The following COL17A1 variants were observed in gnomAD, a reference collection of about 807,000 sequenced individuals.
The protein encoded by COL17A1 is collagen type XVII alpha 1 chain.
Under a neutral mutation model 218.4 loss-of-function variants are expected in COL17A1, and 181 were observed. The observed-to-expected ratio is 0.83, with a 90% CI of 0.73 to 0.94. The LOEUF (loss-of-function observed/expected upper bound fraction) is 0.94, where lower values mean the gene tolerates loss of function less well. Among genes scored for constraint, COL17A1 ranks in the 40% least tolerant of loss-of-function variants. The pLI is 0.00. For synonymous variants in COL17A1, 721 were observed against 731.0 expected (o/e 0.99, Z 0.22); for missense variants, 1,924 against 1,945.9 (o/e 0.99, Z 0.21).
chr10:104,036,409 G>A (rs1385227447), intron 48 of COL17A1, 83 bp downstream of exon 48: 2 of 1,579,356 alleles, frequency 1.3e-6, no homozygotes, highest in African/African-American at 1.3e-5. Flanking sequence ...GGTCAGTGGG[G>A]CAATCACAGG....
At chr10:104,044,752 G>A (rs1189123140) in intron 33 of COL17A1, among the ~76,000 whole-genome samples, 1 of 151,992 alleles carries the variant, frequency 6.6e-6, no homozygotes, top group Admixed American at 6.5e-5. Flanking sequence ...ACTCCCCCTT[G>A]GACTGGAAGT....
Position 104,055,827 on chromosome 10 carries a change from G to A in COL17A1, c.1642C>T (p.Leu548Phe). 6.2e-7 allele frequency: 1 copy of A among 1,614,178 alleles called. No homozygotes were observed. The highest frequency in any genetic ancestry group is 8.5e-7 in the Non-Finnish European group (1 of 1,180,038). The change falls in exon 18 of 56, where the codon CTC (leucine) becomes TTC (phenylalanine). Residue 548 changes from leucine to phenylalanine, a missense_variant. Transcript: ENST00000648076. ...AGCTTCTTCCTCACGAACATCCAGA[G>A]CTCCTCCTGGCTGTCACTGTGCAGC... ...IGLHSDSQEE[L>F]WMFVRKKLMM...
intron 28 of COL17A1, among the ~76,000 whole-genome samples, chr10:104,049,728 A>G (rs1007348091): frequency 3.3e-5 from 5 of 152,320 alleles, no homozygotes; most frequent in South Asian, 2.1e-4. Context: ...ATCACTGTCA[A>G]TTTCCTTTAT....
chr10:104,055,410 A>G lies in COL17A1; in HGVS notation c.1688-9T>C, dbSNP rs929513626. 1.2e-6 allele frequency: 2 copies of G among 1,613,296 alleles called. No individual in the cohort carries two copies. Among genetic ancestry groups the G allele is most frequent in the South Asian group, 1.1e-5 (1 of 91,048 alleles). The stretch of plus-strand genomic sequence containing the variant: ...GCTTCCTCGGAGATTTCCTGCAAGA[A>G]AAAGCAAATCCTGAGTCAGCTTCAC... On this transcript the variant is annotated splice_polypyrimidine_tract_variant and intron_variant, in intron 18 of 55. Coordinates refer to ENST00000648076, the MANE Select transcript of COL17A1 (RefSeq NM_000494.4).
chr10:104,037,658 G>C lies in COL17A1; in HGVS notation c.3186C>G (p.Ser1062Arg). 6.2e-7 allele frequency: 1 copy of C among 1,614,226 alleles called. No homozygotes were observed. Among genetic ancestry groups the C allele is most frequent in the Admixed American group, 1.7e-5 (1 of 60,030 alleles). Residue 1062 changes from serine (S) to arginine (R), a missense_variant, in exon 46 of 56, where the codon AGC (serine) becomes AGG (arginine). Coordinates refer to ENST00000648076, the MANE Select transcript of COL17A1 (RefSeq NM_000494.4). ...TACTCCGTAAGTAGCTCACAACGTG[G>C]CTTGCCAGCTCTGAGTAGTCGAAAG... ...GETFDYSELA[S>R]HVVSYLRTSG...
intron 46 of COL17A1, 87 bp from the exon 47 acceptor site, chr10:104,037,200 C>G: frequency 7.9e-7 from 1 of 1,262,314 alleles, no homozygotes; most frequent in South Asian, 1.3e-5. Context: ...GCCCGGTCAC[C>G]GAGCTGTTTG....
In COL17A1 at chr10:104,031,971, C is replaced by CTAGA. The variant is rs1844689874; in HGVS notation, c.*260_*263dup. ...AGTAAAGAAGCCAAGGAGTTCAGATCTAGATAGCAGAGAAGTAAGTCTCAT... is the reference window on the plus strand; with the variant it reads ...AGTAAAGAAGCCAAGGAGTTCAGATCTAGATAGATAGCAGAGAAGTAAGTCTCAT... On this transcript the variant is annotated 3_prime_UTR_variant, in exon 56 of 56. Transcript: ENST00000648076. 2 of 562,150 alleles carry CTAGA rather than the reference C, an allele frequency of 3.6e-6. No homozygotes were observed. The highest frequency in any genetic ancestry group is 6.1e-5 in the Admixed American group (2 of 32,778). 34.8% of individuals were successfully genotyped at this position (562,150 alleles called of 1,614,324 possible).
At chr10:104,054,234 ATGTC>A in intron 20 of COL17A1, 116 bp from the exon 21 acceptor site, 1 of 966,638 alleles carries the variant, frequency 1.0e-6, no homozygotes, top group Non-Finnish European at 1.6e-6. Context: ...AAAAATGCAG[ATGTC>A]CAGTTACATT....
chr10:104,055,160 A>T (rs902438003), intron 19 of COL17A1, 153 bp from the exon 20 acceptor site: 1 of 1,462,760 alleles, frequency 6.8e-7, no homozygotes, highest in Non-Finnish European at 9.4e-7. Flanking sequence ...AGTCTATGTC[A>T]TTTGGGCTCA....
intron 32 of COL17A1, 29 bp from the exon 33 acceptor site, chr10:104,045,822 C>CG (rs756298332): frequency 3.5e-5 from 56 of 1,598,688 alleles, no homozygotes; most frequent in Non-Finnish European, 4.8e-5. Flanking sequence ...GTAGTCAGGA[C>CG]GATGAAGGCC....
chr10:104,077,291 G>T, intron 4 of COL17A1, 131 bp downstream of exon 4: 1 of 747,096 alleles, frequency 1.3e-6, no homozygotes, highest in East Asian at 2.7e-5. Context: ...ATGGATGACA[G>T]GTGATTGTAA....
At chr10:104,053,629 C>T (rs1205937853) in intron 22 of COL17A1, among the ~76,000 whole-genome samples, 1 of 152,090 alleles carries the variant, frequency 6.6e-6, no homozygotes, top group Non-Finnish European at 1.5e-5. Context: ...TCCCTGGCTT[C>T]CCTGTGTAAA....
rs2086269203 is a variant in COL17A1, at chr10:104,035,382, C to T, written c.3509-9G>A. ...GCCTCTGAATTCAGACCCTGAGACACCAAGGGAGGGCACGGAGTCAGTCCT... is the reference window on the plus strand; with the variant it reads ...GCCTCTGAATTCAGACCCTGAGACATCAAGGGAGGGCACGGAGTCAGTCCT... On this transcript the variant is annotated splice_polypyrimidine_tract_variant and intron_variant, in intron 49 of 55. Coordinates refer to ENST00000648076, the MANE Select transcript of COL17A1 (RefSeq NM_000494.4). 1.2e-6 allele frequency: 2 copies of T among 1,613,760 alleles called. No homozygotes were observed. Among genetic ancestry groups the T allele is most frequent in the East Asian group, 2.2e-5 (1 of 44,882 alleles).
chr10:104,057,918 G>C (rs920930010), intron 16 of COL17A1, among the ~76,000 whole-genome samples: 1 of 152,138 alleles, frequency 6.6e-6, no homozygotes, highest in Non-Finnish European at 1.5e-5. Flanking sequence ...CGGGGGGCCT[G>C]TTAGCTTCAT....
chr10:104,047,652 T>C (rs1398456868), intron 31 of COL17A1, 87 bp downstream of exon 31: 1 of 1,103,998 alleles, frequency 9.1e-7, no homozygotes, highest in Non-Finnish European at 1.4e-6. Context: ...CACCTGCACA[T>C]GCACACGCAC....
At chr10:104,073,082 A>G (rs1240537245) in intron 7 of COL17A1, 128 bp downstream of exon 7, 2 of 889,646 alleles carry the variant, frequency 2.2e-6, no homozygotes, top group Non-Finnish European at 3.8e-6. Context: ...AAGCTCCTCG[A>G]AAGCAGAAAG....
In COL17A1 at chr10:104,063,462, G is replaced by A. The variant is rs571581963; in HGVS notation, c.838+285C>T. On this transcript the variant is annotated intron_variant, in intron 11 of 55. Transcript: ENST00000648076. Reference sequence around the variant, plus strand: ...CCTTTACCCTGAAAATGTCCTACACGATGATTCCGTTAGACCCTTCATTTC... The same window carrying A: ...CCTTTACCCTGAAAATGTCCTACACAATGATTCCGTTAGACCCTTCATTTC... The A allele has an allele frequency of 5.9e-4, 268 of 454,682 alleles. 2 individuals carry two copies. The highest frequency in any genetic ancestry group is 9.4e-4 in the Non-Finnish European group (230 of 245,396). 28.2% of individuals were successfully genotyped at this position (454,682 alleles called of 1,614,324 possible). A position where few individuals can be genotyped will look rare whatever the true frequency, so the allele number is the denominator to read the frequency against.
rs2086242738 is a variant in COL17A1, at chr10:104,033,943, A to C, written c.4156+2T>G. On this transcript the variant is annotated splice_donor_variant, in intron 52 of 55. Coordinates refer to ENST00000648076, the MANE Select transcript of COL17A1 (RefSeq NM_000494.4). LOFTEE classifies it high-confidence loss of function. ...CACCAAGGCCTAAATGTCCCCACTT[A>C]CGCTGCATGCTCTCTGACACCCTCA... The C allele has an allele frequency of 2.5e-6, 4 of 1,614,036 alleles. No homozygotes were observed. The highest frequency in any genetic ancestry group is 3.4e-6 in the Non-Finnish European group (4 of 1,180,030).
chr10:104,077,699 TTTTTGTTTTGTTTTG>T (rs57572186), intron 3 of COL17A1, among the ~76,000 whole-genome samples, 173 bp from the exon 4 acceptor site: 400 of 151,566 alleles, frequency 2.6e-3, no homozygotes, highest in African/African-American at 9.2e-3. Context: ...TTTCGTTGGT[TTTTTGTTTTGTTTTG>T]TTTTGTTTTG....
Sources: allele counts gnomAD v4.1 joint callset (sites outside exome capture counted in the v4.1 genomes callset), GRCh38; gene constraint gnomAD v4.1.1; transcripts MANE v1.5; gene names NCBI Gene and HGNC (gene_info 2026-07-23, HGNC 2026-07-21).